Variants in ADAP1 observed in about 807,000 individuals in gnomAD.
ADAP1 encodes ArfGAP with dual PH domains 1.
ADAP1 carries 31 observed loss-of-function variants against 54.9 expected under a neutral mutation model. The observed-to-expected ratio is 0.56, with a 90% CI of 0.42 to 0.76. ADAP1 has a LOEUF of 0.76. Among genes scored for constraint, ADAP1 ranks in the 30% least tolerant of loss-of-function variants. The pLI, the probability that ADAP1 is intolerant of heterozygous loss-of-function variation, is 0.00. For synonymous variants in ADAP1, 313 were observed against 202.6 expected, an observed-to-expected ratio of 1.55 and a Z score of -4.63; for missense variants, 535 against 512.4, an observed-to-expected ratio of 1.04 and a Z score of -0.42.
chr7:944,778 C>T (rs1028114880), intron 1 of ADAP1, among the ~76,000 whole-genome samples: 3 of 152,136 alleles, frequency 2.0e-5, no homozygotes, highest in African/African-American at 7.2e-5. Context: ...TGTTGACAAT[C>T]GTCACCCTGT....
chr7:929,884 C>T (rs1846511588), intron 2 of ADAP1, among the ~76,000 whole-genome samples: 1 of 151,904 alleles, frequency 6.6e-6, no homozygotes, highest in South Asian at 2.1e-4. Context: ...GGGAGGATCA[C>T]TTGAGGCCAG....
intron 2 of ADAP1, among the ~76,000 whole-genome samples, chr7:931,119 G>T (rs1043132332): frequency 2.0e-5 from 3 of 151,452 alleles, no homozygotes; most frequent in Admixed American, 2.0e-4. Flanking sequence ...GAGACAGAGG[G>T]AGGGACGGAA....
rs1189134556 is a variant in ADAP1, at chr7:920,823, ACACAGGCCCGGCACGGCCCAGGTG to A, written c.306-797_306-774del. 6 of 1,550,002 alleles carry A rather than the reference ACACAGGCCCGGCACGGCCCAGGTG, an allele frequency of 3.9e-6. 1 individual carries two copies. In the South Asian group the frequency reaches 7.1e-5, roughly 18 times the overall value. On this transcript the variant is annotated intron_variant, in intron 3 of 10. Coordinates refer to ENST00000265846, the MANE Select transcript of ADAP1 (RefSeq NM_006869.4). The surrounding 1 kb of genome is among the most constrained non-coding windows in gnomAD (Gnocchi z 4.5). ...TACCATTGCAGAAACCACGACCCAC[ACACAGGCCCGGCACGGCCCAGGTG>A]CACAGGCAGCCGCCCCAGCCTTTTC...
intron 4 of ADAP1, among the ~76,000 whole-genome samples, chr7:910,284 T>C (rs10226861): frequency 0.016 from 2,498 of 151,486 alleles, 33 homozygotes; most frequent in East Asian, 0.05. Context: ...TTTTTTTTTT[T>C]CCCCACCCAG....
rs760914481 is a variant in ADAP1 at position 899,164 on chromosome 7, G to A, written c.965C>T (p.Pro322Leu). The A allele has an allele frequency of 1.1e-5, 17 of 1,611,848 alleles. No homozygotes were observed. The East Asian group carries it at 1.8e-4, about 17-fold the overall frequency. ...FPPSTQGHHW[P>L]HGITIVTPDR... ...GGGCGTGACGATGGTGATGCCATGT[G>A]GCCAGTGGTGGCCCTGGGTGGACGG... Residue 322 changes from proline (P) to leucine (L), a missense_variant, in exon 10 of 11, where the codon CCA becomes CTA. Coordinates refer to ENST00000265846, the MANE Select transcript of ADAP1 (RefSeq NM_006869.4).
chr7:954,637 T>TCCG lies in ADAP1; in HGVS notation c.-163_-161dup, dbSNP rs900762484. 3 of 981,252 alleles carry TCCG rather than the reference T, an allele frequency of 3.1e-6. No individual in the cohort carries two copies. Among genetic ancestry groups the TCCG allele is most frequent in the Non-Finnish European group, 2.4e-6 (2 of 828,322 alleles). 60.8% of individuals were successfully genotyped at this position (981,252 alleles called of 1,614,324 possible). A position where few individuals can be genotyped will look rare whatever the true frequency, so the allele number is the denominator to read the frequency against. ...TCCGCATTCCCGCCGCCCTCTGGGC[T>TCCG]CCGCCGCCGCCGCTCGTGTCTCCGC... On this transcript the variant is annotated 5_prime_UTR_variant, in exon 1 of 11. Coordinates refer to ENST00000265846, the MANE Select transcript of ADAP1 (RefSeq NM_006869.4).
chr7:908,707 T>C (rs939063823), intron 4 of ADAP1, among the ~76,000 whole-genome samples: 1 of 152,144 alleles, frequency 6.6e-6, no homozygotes, highest in East Asian at 1.9e-4. Context: ...GCTTCGTGGC[T>C]GAGGGTGGAC....
chr7:906,723 CGGGACAT>C (rs1845438882), intron 4 of ADAP1, among the ~76,000 whole-genome samples: 5 of 18,454 alleles, frequency 2.7e-4, no homozygotes, highest in Admixed American at 1.5e-3. Context: ...ACATCGGGGA[CGGGACAT>C]GGGGGACAGA....
chr7:920,523 G>A lies in ADAP1; in HGVS notation c.306-473C>T, dbSNP rs550582757. ...ACCGTGCTGCCACCTTGCACCCCCC[G>A]TGCCGCCCTCCACCCGCCGTGCCGC... On this transcript the variant is annotated intron_variant, in intron 3 of 10. Coordinates refer to ENST00000265846, the MANE Select transcript of ADAP1 (RefSeq NM_006869.4). This position sits in a 1 kb window ranked among gnomAD's most constrained non-coding sequence, Gnocchi z 4.5. Among the ~76,000 whole-genome samples the A allele has an allele frequency of 2.7e-5, 4 of 146,700 alleles. No individual in the cohort carries two copies. Among genetic ancestry groups the A allele is most frequent in the South Asian group, 4.6e-4 (2 of 4,334 alleles).
intron 4 of ADAP1, among the ~76,000 whole-genome samples, chr7:910,266 G>T (rs541541450): frequency 6.6e-6 from 1 of 151,480 alleles, no homozygotes; most frequent in African/African-American, 2.4e-5. Flanking sequence ...ACCCGTTTAC[G>T]AGGCTTTTTT....
chr7:920,133 C>G lies in ADAP1; in HGVS notation c.306-83G>C, dbSNP rs931252318. ...GCCGCTCTCTGGCCCGGACCCTGGA[C>G]ATCTCAAGAGGCTCATAGGGACCCC... On this transcript the variant is annotated intron_variant, in intron 3 of 10. Transcript: ENST00000265846. The surrounding 1 kb of genome is among the most constrained non-coding windows in gnomAD (Gnocchi z 4.5). The G allele has an allele frequency of 1.1e-5, 14 of 1,324,512 alleles. No homozygotes were observed. The highest frequency in any genetic ancestry group is 1.5e-5 in the African/African-American group (1 of 68,948). 82.0% of individuals were successfully genotyped at this position (1,324,512 alleles called of 1,614,324 possible).
Position 938,154 on chromosome 7 carries a change from C to A in ADAP1, c.83-2649G>T, listed in dbSNP as rs74301164. 6.6e-6 allele frequency among the ~76,000 whole-genome samples: 1 copy of A among 151,948 alleles called. No individual in the cohort carries two copies. Among genetic ancestry groups the A allele is most frequent in the Non-Finnish European group, 1.5e-5 (1 of 68,000 alleles). On this transcript the variant is annotated intron_variant, in intron 1 of 10. Transcript: ENST00000265846. This position sits in a 1 kb window ranked among gnomAD's most constrained non-coding sequence, Gnocchi z 4.4. ...CAGGATCAGCCGTTGTTTGGTTTTG[C>A]GGGGTTTTTTTTGTCTTGTATTGTA...
chr7:898,730 C>G lies in ADAP1; in HGVS notation c.*191G>C. 1 of 707,258 alleles carries G rather than the reference C, an allele frequency of 1.4e-6. No individual in the cohort carries two copies. The highest frequency in any genetic ancestry group is 2.4e-6 in the Non-Finnish European group (1 of 420,784). The allele number at this position is 707,258 out of a possible 1,614,324, so 43.8% of individuals were successfully genotyped here. A position where few individuals can be genotyped will look rare whatever the true frequency, so the allele number is the denominator to read the frequency against. ...CGGGGTTAGAGATCAGGCCCAGGGCCTGGGCTGCCTGCCTTGAGGTTCCAG... is the reference window on the plus strand; with the variant it reads ...CGGGGTTAGAGATCAGGCCCAGGGCGTGGGCTGCCTGCCTTGAGGTTCCAG... On this transcript the variant is annotated 3_prime_UTR_variant, in exon 11 of 11. Transcript: ENST00000265846.
chr7:932,381 G>A (rs1027729906), intron 2 of ADAP1, among the ~76,000 whole-genome samples: 10 of 152,090 alleles, frequency 6.6e-5, no homozygotes, highest in East Asian at 1.9e-4. Flanking sequence ...AACAGTGAAC[G>A]CCCCACCCCT....
At chr7:911,021 G>A (rs377106410) in intron 4 of ADAP1, among the ~76,000 whole-genome samples, 5 of 152,106 alleles carry the variant, frequency 3.3e-5, no homozygotes, top group African/African-American at 4.8e-5. Flanking sequence ...TGCCTGGCCC[G>A]TCCACCCACG....
intron 1 of ADAP1, among the ~76,000 whole-genome samples, chr7:950,977 TGAG>T (rs923681379): frequency 6.6e-6 from 1 of 151,016 alleles, no homozygotes; most frequent in Non-Finnish European, 1.5e-5. Flanking sequence ...TTTGGGAAGA[TGAG>T]GAGGTTCTGG....
At position 903,945 on chromosome 7, in the gene ADAP1, A is replaced by G. The variant is rs1046319291; in HGVS notation, c.648+181T>C. ...CATGCTGCCCGGCGCCAGTGCCCAC[A>G]CTCCCACACGTCCAAGCACCCGCCT... On this transcript the variant is annotated intron_variant, in intron 6 of 10. Transcript: ENST00000265846. 9 of 729,468 alleles carry G rather than the reference A, an allele frequency of 1.2e-5. No individual in the cohort carries two copies. The African/African-American group carries it at 1.5e-4, about 12-fold the overall frequency. 45.2% of individuals were successfully genotyped at this position (729,468 alleles called of 1,614,324 possible). A position where few individuals can be genotyped will look rare whatever the true frequency, so the allele number is the denominator to read the frequency against.
In ADAP1 at chr7:926,073, C is replaced by G. The variant is rs919375361; in HGVS notation, c.305+480G>C. Among the ~76,000 whole-genome samples, 3 of 152,070 alleles carry G rather than the reference C, an allele frequency of 2.0e-5. No homozygotes were observed. Among genetic ancestry groups the G allele is most frequent in the African/African-American group, 7.2e-5 (3 of 41,398 alleles). ...TTGGTGAAGGCGGCTGATGTGATAC[C>G]GAGCAGGCCTCATTCCCTCTCTCCA... On this transcript the variant is annotated intron_variant, in intron 3 of 10. Transcript: ENST00000265846. The surrounding 1 kb of genome is among the most constrained non-coding windows in gnomAD (Gnocchi z 4.6).
At chr7:907,413 T>C (rs1463713421) in intron 4 of ADAP1, among the ~76,000 whole-genome samples, 1 of 152,070 alleles carries the variant, frequency 6.6e-6, no homozygotes, top group East Asian at 1.9e-4. Context: ...AGAGGACCCG[T>C]CCTGAGCCCA....
Sources: allele counts gnomAD v4.1 joint callset (sites outside exome capture counted in the v4.1 genomes callset), GRCh38; gene constraint gnomAD v4.1.1; non-coding constraint Gnocchi (gnomAD v3.1); transcripts MANE v1.5; gene names NCBI Gene and HGNC (gene_info 2026-07-23, HGNC 2026-07-21).